DOP1B: variants seen among roughly 807,000 people sequenced by gnomAD.
DOP1B encodes the protein protein DOP1B.
A neutral mutation model predicts 233.5 loss-of-function variants in DOP1B; 174 were observed. The ratio of observed to expected loss-of-function variants is 0.75; its 90% CI spans 0.66 to 0.85. The LOEUF (loss-of-function observed/expected upper bound fraction) is 0.85. Among genes scored for constraint, DOP1B ranks in the 40% least tolerant of loss-of-function variants. The pLI is 0.00. For synonymous variants in DOP1B, 1,190 were observed against 1,185.6 expected, an observed-to-expected ratio of 1.00 and a Z score of -0.08; for missense variants, 2,652 against 2,846.6, an observed-to-expected ratio of 0.93 and a Z score of 1.56.
At chr21:36,198,054 C>T (rs2066313422) in intron 2 of DOP1B, among the ~76,000 whole-genome samples, 1 of 151,376 alleles carries the variant, frequency 6.6e-6, no homozygotes, top group African/African-American at 2.4e-5. Flanking sequence ...AACTTTTACC[C>T]TGTAGGCCTT....
intron 27 of DOP1B, among the ~76,000 whole-genome samples, chr21:36,276,724 C>T (rs1284272993): frequency 6.6e-6 from 1 of 151,486 alleles, no homozygotes; most frequent in East Asian, 1.9e-4. Context: ...GCCTGTAGTC[C>T]CAGTTACTCG....
At chr21:36,273,798 G>A (rs558641308) in intron 27 of DOP1B, among the ~76,000 whole-genome samples, 4 of 152,008 alleles carry the variant, frequency 2.6e-5, no homozygotes, top group Admixed American at 1.3e-4. Context: ...CTAAGGGGCC[G>A]GGCACAGTGG....
chr21:36,253,631 G>A (rs1407838295), intron 22 of DOP1B, 141 bp from the exon 23 acceptor site: 91 of 897,404 alleles, frequency 1.0e-4, no homozygotes, highest in Middle Eastern at 3.3e-4. Context: ...GAGTGAGACC[G>A]TGTTTCAAAA....
chr21:36,168,416 T>C (rs1367024792), intron 2 of DOP1B, among the ~76,000 whole-genome samples: 1 of 152,194 alleles, frequency 6.6e-6, no homozygotes, highest in Non-Finnish European at 1.5e-5. Context: ...GGAAACGCTA[T>C]GTTTAACTTA....
At chr21:36,238,514 C>A in intron 16 of DOP1B, 87 bp from the exon 17 acceptor site, 1 of 1,103,520 alleles carries the variant, frequency 9.1e-7, no homozygotes, top group Non-Finnish European at 1.4e-6. Context: ...AGTCTTTGAT[C>A]TATTGTTTAA....
chr21:36,282,717 T>C (rs2067431652), intron 32 of DOP1B, among the ~76,000 whole-genome samples: 1 of 152,166 alleles, frequency 6.6e-6, no homozygotes, highest in African/African-American at 2.4e-5. Context: ...GGCTCACGCC[T>C]GTAATCCCAG....
intron 20 of DOP1B, among the ~76,000 whole-genome samples, chr21:36,247,972 T>A (rs564072796): frequency 6.6e-6 from 1 of 152,376 alleles, no homozygotes; most frequent in Admixed American, 6.5e-5. Context: ...GCCTGTGAGA[T>A]AACTTATAAA....
At chr21:36,234,827 G>A (rs995582230) in intron 15 of DOP1B, among the ~76,000 whole-genome samples, 2 of 151,846 alleles carry the variant, frequency 1.3e-5, no homozygotes, top group Admixed American at 1.3e-4. Context: ...GTGAGCCACC[G>A]CACCCGGCCA....
intron 33 of DOP1B, 128 bp from the exon 34 acceptor site, chr21:36,288,628 G>C: frequency 1.4e-6 from 1 of 716,508 alleles, no homozygotes; most frequent in Non-Finnish European, 2.3e-6. Context: ...TCCAGACTGG[G>C]TGACAGAGTA....
At chr21:36,187,818 C>G (rs2066181369) in intron 2 of DOP1B, among the ~76,000 whole-genome samples, 1 of 151,954 alleles carries the variant, frequency 6.6e-6, no homozygotes, top group African/African-American at 2.4e-5. Context: ...TGTTGCTGGT[C>G]TTGAACTCCT....
intron 2 of DOP1B, among the ~76,000 whole-genome samples, chr21:36,186,385 GTGCATGTGTGTACATGTA>G (rs1203416537): frequency 9.2e-5 from 14 of 151,992 alleles, no homozygotes; most frequent in Admixed American, 3.9e-4. Flanking sequence ...TGTGGAGTGT[GTGCATGTGTGTACATGTA>G]TGCATGTGTA....
chr21:36,185,385 C>T (rs2066152455), intron 2 of DOP1B, among the ~76,000 whole-genome samples: 1 of 152,162 alleles, frequency 6.6e-6, no homozygotes, highest in Non-Finnish European at 1.5e-5. Context: ...TGCCATTTTT[C>T]ATCACTTCTG....
intron 26 of DOP1B, among the ~76,000 whole-genome samples, chr21:36,269,412 C>T (rs896068118): frequency 6.6e-6 from 1 of 152,088 alleles, no homozygotes; most frequent in African/African-American, 2.4e-5. Flanking sequence ...GCCTCAGCCT[C>T]CCAAAATGCT....
chr21:36,268,858 C>T (rs557821724), intron 26 of DOP1B, among the ~76,000 whole-genome samples: 28 of 151,750 alleles, frequency 1.8e-4, no homozygotes, highest in Non-Finnish European at 3.5e-4. Flanking sequence ...TTAGCAGAGA[C>T]GGGGTTTCAC....
At chr21:36,232,449 G>A (rs1267121685) in intron 14 of DOP1B, among the ~76,000 whole-genome samples, 1 of 152,126 alleles carries the variant, frequency 6.6e-6, no homozygotes, top group Non-Finnish European at 1.5e-5. Flanking sequence ...TCAGCTTCTG[G>A]TGCTGGCCGG....
Position 36,183,303 on chromosome 21 carries a change from TC to T in DOP1B, c.139-15763del, listed in dbSNP as rs147885046. On this transcript the variant is annotated intron_variant, in intron 2 of 36. Transcript: ENST00000691173. ...AAATGTTTCCACACATTGCCAAATG[TC>T]CCCTGGGGGCAAAATTTCCCCAGTT... Among the ~76,000 whole-genome samples, 1,406 of 152,262 alleles carry T rather than the reference TC, an allele frequency of 9.2e-3. 19 individuals are homozygous for T. Among genetic ancestry groups the T allele is most frequent in the African/African-American group, 0.032 (1,335 of 41,538 alleles).
At chr21:36,282,230 G>T (rs1672206041) in intron 32 of DOP1B, among the ~76,000 whole-genome samples, 1 of 152,100 alleles carries the variant, frequency 6.6e-6, no homozygotes, top group African/African-American at 2.4e-5. Flanking sequence ...AGACCAGCCT[G>T]ACCAACGTGG....
rs143503609 is a variant in DOP1B at position 36,201,238 on chromosome 21, G to A, written c.491+737G>A. 2.4e-4 allele frequency among the ~76,000 whole-genome samples: 36 copies of A among 152,226 alleles called. No homozygotes were observed. The East Asian group carries it at 6.8e-3, about 29-fold the overall frequency. ...TTGTGTAATGAATTCCTCTGCTCCA[G>A]GAGTTACCTCCATTTACAGGTGAGG... On this transcript the variant is annotated intron_variant, in intron 4 of 36. Transcript: ENST00000691173.
chr21:36,281,568 T>A lies in DOP1B; in HGVS notation c.6117T>A (p.Ser2039Arg). The A allele has an allele frequency of 2.5e-6, 4 of 1,609,032 alleles. No individual in the cohort carries two copies. The highest frequency in any genetic ancestry group is 3.4e-6 in the Non-Finnish European group (4 of 1,175,790). ...AGCGCCAGGCTTTTGCTGTCTTCAGTGGAGAACTTGATCAATACCACCTTT... is the reference window on the plus strand; with the variant it reads ...AGCGCCAGGCTTTTGCTGTCTTCAGAGGAGAACTTGATCAATACCACCTTT... ...LLKRQAFAVF[S>R]GELDQYHLYL... Residue 2039 changes from serine to arginine, a missense_variant, in exon 32 of 37, where the codon AGT becomes AGA. This residue lies in a region of DOP1B where 2,617 missense variants were observed against 2,794.3 expected (regional missense o/e 0.94). Transcript: ENST00000691173.
Sources: gnomAD v4.1 joint callset for allele counts (sites outside exome capture counted in the v4.1 genomes callset) on GRCh38, gnomAD v4.1.1 for gene constraint, gnomAD v4.1.1 regional missense constraint, MANE v1.5 for transcripts, NCBI Gene and HGNC (gene_info 2026-07-23, HGNC 2026-07-21) for gene names.